FAM240A: variants seen among roughly 807,000 people sequenced by gnomAD.
FAM240A encodes protein FAM240A.
A neutral mutation model predicts 7.3 loss-of-function variants in FAM240A; 8 were observed. The ratio of observed to expected loss-of-function variants is 1.09; its 90% CI spans 0.64 to 1.97. FAM240A has a LOEUF of 1.97. Ranked by LOEUF, FAM240A falls within the 30% of genes most tolerant of loss-of-function variation. FAM240A has a pLI of 0.00. For missense variants in FAM240A, 90 were observed against 102.2 expected (o/e 0.88, Z 0.52); for synonymous variants, 32 against 35.9 (o/e 0.89, Z 0.38).
chr3:46,625,003 C>G, intron 2 of FAM240A, 125 bp from the exon 3 acceptor site: 1 of 425,780 alleles, frequency 2.3e-6, no homozygotes, highest in Admixed American at 3.7e-5. Context: ...ATGTCCTCTG[C>G]ATGCCTTTTA....
intron 2 of FAM240A, among the ~76,000 whole-genome samples, chr3:46,618,874 TATATATATACAC>T (rs1349417044): frequency 3.5e-4 from 14 of 40,126 alleles, no homozygotes; most frequent in African/African-American, 1.3e-3. Context: ...TATGTATATA[TATATATATACAC>T]ACACACACAC....
intron 2 of FAM240A, among the ~76,000 whole-genome samples, chr3:46,621,886 C>A (rs1697698940): frequency 1.3e-5 from 2 of 151,866 alleles, no homozygotes; most frequent in South Asian, 2.1e-4. Flanking sequence ...TTGTTTCTAC[C>A]ATCTTAGTTA....
chr3:46,618,914 CACACAT>C (rs869241094), intron 2 of FAM240A, among the ~76,000 whole-genome samples: 2,244 of 146,852 alleles, frequency 0.015, 80 homozygotes, highest in African/African-American at 0.051. Context: ...CACACACACA[CACACAT>C]ATGCAGTATC....
chr3:46,624,013 T>A (rs1343701988), intron 2 of FAM240A, among the ~76,000 whole-genome samples: 2 of 152,186 alleles, frequency 1.3e-5, no homozygotes, highest in Non-Finnish European at 2.9e-5. Flanking sequence ...TTATCTCTTC[T>A]GTTGGCTATT....
chr3:46,622,067 T>C (rs1001652431), intron 2 of FAM240A, among the ~76,000 whole-genome samples: 1 of 151,438 alleles, frequency 6.6e-6, no homozygotes, highest in Non-Finnish European at 1.5e-5. Flanking sequence ...TGCAGAGATG[T>C]TCTCAATTTT....
chr3:46,613,456 T>A (rs1416013580), intron 1 of FAM240A, among the ~76,000 whole-genome samples: 1 of 151,542 alleles, frequency 6.6e-6, no homozygotes, highest in Non-Finnish European at 1.5e-5. Context: ...ATCGTGCCAC[T>A]GCAATCCAGC....
chr3:46,625,384 C>T lies in FAM240A; in HGVS notation c.*166C>T. The T allele has an allele frequency of 4.2e-6, 2 of 478,554 alleles. No individual in the cohort carries two copies. Among genetic ancestry groups the T allele is most frequent in the Non-Finnish European group, 7.5e-6 (2 of 267,098 alleles). 29.6% of individuals were successfully genotyped at this position (478,554 alleles called of 1,614,324 possible). On this transcript the variant is annotated 3_prime_UTR_variant, in exon 3 of 3. Coordinates refer to ENST00000640551, the MANE Select transcript of FAM240A (RefSeq NM_001195442.2). ...TAAATCCTTTCCCAGTGTTTGATGG[C>T]AGTTATTGGCCAAGTCAGTCCTCTG...
chr3:46,618,655 A>C (rs1457632525), intron 2 of FAM240A, among the ~76,000 whole-genome samples: 1 of 152,054 alleles, frequency 6.6e-6, no homozygotes, highest in Non-Finnish European at 1.5e-5. Flanking sequence ...AGCCCGACCA[A>C]CAAGGAGAAA....
At chr3:46,616,008 A>G (rs80118899) in intron 1 of FAM240A, among the ~76,000 whole-genome samples, 10 of 152,374 alleles carry the variant, frequency 6.6e-5, no homozygotes, top group African/African-American at 1.9e-4. Flanking sequence ...GAAGAAGGTC[A>G]TGGCCATCTC....
chr3:46,621,653 C>T (rs768532883), intron 2 of FAM240A, among the ~76,000 whole-genome samples: 6 of 151,600 alleles, frequency 4.0e-5, no homozygotes, highest in African/African-American at 1.2e-4. Context: ...CCAGCTACTG[C>T]GGGGGAAAGG....
intron 2 of FAM240A, among the ~76,000 whole-genome samples, chr3:46,621,197 G>A (rs1697689152): frequency 6.6e-6 from 1 of 152,022 alleles, no homozygotes; most frequent in Non-Finnish European, 1.5e-5. Flanking sequence ...TATGTACTTT[G>A]AGGCTACTTT....
At chr3:46,612,799 C>A in intron 1 of FAM240A, 101 bp downstream of exon 1, 1 of 896,262 alleles carries the variant, frequency 1.1e-6, no homozygotes, top group Non-Finnish European at 1.8e-6. Context: ...GACGCAGCAG[C>A]ACGAATTCTC....
intron 2 of FAM240A, 139 bp downstream of exon 2, chr3:46,617,467 T>C: frequency 1.7e-6 from 1 of 601,870 alleles, no homozygotes; most frequent in Non-Finnish European, 2.7e-6. Flanking sequence ...ATTGCCCCAC[T>C]GTCAACATCT....
chr3:46,617,744 A>G (rs1697647169), intron 2 of FAM240A, among the ~76,000 whole-genome samples: 1 of 152,140 alleles, frequency 6.6e-6, no homozygotes. Flanking sequence ...TACAAACACT[A>G]TGTCTGTGAA....
intron 1 of FAM240A, among the ~76,000 whole-genome samples, chr3:46,613,139 A>G (rs1697586123): frequency 6.6e-6 from 1 of 152,248 alleles, no homozygotes; most frequent in South Asian, 2.1e-4. Context: ...AAATTCACTC[A>G]TATAAAATGT....
chr3:46,612,781 A>T, intron 1 of FAM240A, 83 bp downstream of exon 1: 2 of 1,113,576 alleles, frequency 1.8e-6, no homozygotes, highest in Non-Finnish European at 2.6e-6. Context: ...GTTGGTGCTG[A>T]TTCACTGGAC....
chr3:46,622,606 G>A lies in FAM240A; in HGVS notation c.162-2522G>A, dbSNP rs190375767. On this transcript the variant is annotated intron_variant, in intron 2 of 2. Coordinates refer to ENST00000640551, the MANE Select transcript of FAM240A (RefSeq NM_001195442.2). ...GCAGTTCACTTTTTTTGCATATCCA[G>A]TGGTTCCAGCACCATATGCTGAAAA... is the stretch of plus-strand genomic sequence containing the variant. Among the ~76,000 whole-genome samples the A allele has an allele frequency of 1.3e-4, 20 of 152,200 alleles. No homozygotes were observed. The East Asian group carries it at 2.9e-3, about 22-fold the overall frequency.
At chr3:46,618,219 A>T (rs1176750238) in intron 2 of FAM240A, among the ~76,000 whole-genome samples, 2 of 152,196 alleles carry the variant, frequency 1.3e-5, no homozygotes, top group African/African-American at 4.8e-5. Context: ...CCTGAGCCCT[A>T]GAGGGGAACC....
chr3:46,617,285 C>T lies in FAM240A; in HGVS notation c.118C>T (p.Arg40Ter), dbSNP rs148870990. The change falls in exon 2 of 3, where the codon CGA becomes TGA. Residue 40 changes from arginine (R) to a stop codon, truncating the protein, a stop_gained. Transcript: ENST00000640551. LOFTEE classifies it low-confidence loss of function (END_TRUNC). ...GGAAATTGGCAAACAGACTTACTAC[C>T]GAGAATCAGAGGAACGTCGTCTGGG... ...EREIGKQTYY[R>*]ESEERRLGRS... The T allele has an allele frequency of 0.017, 26,548 of 1,534,546 alleles. 278 individuals carry two copies. Among genetic ancestry groups the T allele is most frequent in the Non-Finnish European group, 0.021 (24,018 of 1,146,018 alleles).
Sources: gnomAD v4.1 joint callset for allele counts (sites outside exome capture counted in the v4.1 genomes callset) on GRCh38, gnomAD v4.1.1 for gene constraint, MANE v1.5 for transcripts, NCBI Gene and HGNC (gene_info 2026-07-23, HGNC 2026-07-21) for gene names.